The following ZNF7 variants were observed in gnomAD, a reference collection of about 807,000 sequenced individuals.
The protein encoded by ZNF7 is C2-H2 type zinc finger protein.
Under a neutral mutation model 12.0 loss-of-function variants are expected in ZNF7, and 10 were observed. The observed-to-expected ratio is 0.83, with a 90% CI of 0.51 to 1.42. ZNF7 has a LOEUF of 1.42. ZNF7 is among the 40% of genes most tolerant of loss of function. The probability of loss-of-function intolerance (pLI) is 0.00; values close to 1 mark genes in which losing one functional copy is unlikely to be tolerated. For missense variants in ZNF7, 854 were observed against 837.2 expected (o/e 1.02, Z -0.25); for synonymous variants, 334 against 295.0 (o/e 1.13, Z -1.35).
intron 1 of ZNF7, 139 bp downstream of exon 1, chr8:144,827,748 G>A (rs1353053475): frequency 8.6e-6 from 8 of 929,450 alleles, no homozygotes; most frequent in Non-Finnish European, 1.0e-5. Flanking sequence ...GGGGCTTTGC[G>A]GGGCCTTGAG....
chr8:144,843,135 G>T lies in ZNF7; in HGVS notation c.2028G>T (p.Arg676Ser), dbSNP rs780904049. 6 of 1,598,064 alleles carry T rather than the reference G, an allele frequency of 3.8e-6. No individual in the cohort carries two copies. Among genetic ancestry groups the T allele is most frequent in the Non-Finnish European group, 5.1e-6 (6 of 1,173,792 alleles). Residue 676 changes from arginine to serine, a missense_variant, in exon 5 of 5, where the codon AGG becomes AGT. Arg to Ser is a moderately radical substitution (Grantham distance 110). Coordinates refer to ENST00000532777, the MANE Select transcript of ZNF7 (RefSeq NM_003416.4). ...DCGKAFNRSS[R>S]LTQHQKIHMG The stretch of plus-strand genomic sequence containing the variant: ...GCAAAGCTTTTAATCGTAGCTCAAG[G>T]CTTACCCAGCATCAAAAAATTCACA...
intron 3 of ZNF7, among the ~76,000 whole-genome samples, chr8:144,830,392 C>G (rs1828302079): frequency 6.6e-6 from 1 of 152,206 alleles, no homozygotes; most frequent in Non-Finnish European, 1.5e-5. Flanking sequence ...TTGCATTTCT[C>G]TGATTTCTGC....
At chr8:144,838,035 G>A in intron 4 of ZNF7, 1 of 697,680 alleles carries the variant, frequency 1.4e-6, no homozygotes, top group East Asian at 2.7e-5. Context: ...CTGAAACCGG[G>A]GGGTCAGCAA....
intron 3 of ZNF7, 104 bp downstream of exon 3, chr8:144,829,708 T>C (rs1828212114): frequency 4.9e-6 from 7 of 1,414,804 alleles, no homozygotes; most frequent in Middle Eastern, 2.6e-4. Context: ...GCTCAGACCC[T>C]TGTGGGCTCC....
chr8:144,845,189 G>A (rs1203823315), downstream of ZNF7, among the ~76,000 whole-genome samples: 1 of 152,186 alleles, frequency 6.6e-6, no homozygotes, highest in Non-Finnish European at 1.5e-5. Context: ...AGAAGCTCAC[G>A]AGAAATCCTG....
intron 3 of ZNF7, 118 bp from the exon 4 acceptor site, chr8:144,837,273 T>C: frequency 1.3e-6 from 1 of 766,300 alleles, no homozygotes; most frequent in South Asian, 2.1e-5. Context: ...CTGCAGGAGC[T>C]TGGCCTGTGC....
chr8:144,837,962 C>T (rs1586814524), intron 4 of ZNF7: 1 of 661,226 alleles, frequency 1.5e-6, no homozygotes, highest in Non-Finnish European at 2.8e-6. Flanking sequence ...TAACAATGAA[C>T]CACAGACTAG....
intron 2 of ZNF7, 86 bp downstream of exon 2, chr8:144,829,176 T>C: frequency 1.2e-6 from 2 of 1,601,080 alleles, no homozygotes; most frequent in Non-Finnish European, 1.7e-6. Flanking sequence ...GCCCAGACCC[T>C]ACCTTGGCCC....
chr8:144,841,977 C>A lies in ZNF7; in HGVS notation c.870C>A (p.Ser290Arg), dbSNP rs761844142. Reference sequence around the variant, plus strand: ...AGTGTGGAAAAGCCTTCCGCCTGAGCTCAAAACTTATTCAGCATCAAAGAA... The same window carrying A: ...AGTGTGGAAAAGCCTTCCGCCTGAGATCAAAACTTATTCAGCATCAAAGAA... Reference protein sequence around the residue: ...CTECGKAFRLSSKLIQHQRIH... With the variant: ...CTECGKAFRLRSKLIQHQRIH... Residue 290 changes from serine to arginine, a missense_variant, in exon 5 of 5, where the codon AGC becomes AGA. Physicochemically the swap from Ser to Arg is moderately radical, Grantham distance 110. Coordinates refer to ENST00000532777, the MANE Select transcript of ZNF7 (RefSeq NM_003416.4). 21 of 1,614,126 alleles carry A rather than the reference C, an allele frequency of 1.3e-5. No homozygotes were observed. Among genetic ancestry groups the A allele is most frequent in the Admixed American group, 1.7e-5 (1 of 60,026 alleles).
chr8:144,841,184 A>G (rs1251887010), intron 4 of ZNF7, 171 bp from the exon 5 acceptor site: 1 of 685,866 alleles, frequency 1.5e-6, no homozygotes, highest in Non-Finnish European at 2.5e-6. Flanking sequence ...GTATGAAACC[A>G]CTTTTGAGAA....
rs1830236552 is a variant in ZNF7 at position 144,843,378 on chromosome 8, A to AGT, written c.*211_*212insTG. ...GCCAAGGCGGGCACATCACGAGGTC[A>AGT]GGAGGTTGAGACCATCCTGGGTAAC... On this transcript the variant is annotated 3_prime_UTR_variant, in exon 5 of 5. Transcript: ENST00000532777. 9.5e-6 allele frequency: 5 copies of AGT among 528,306 alleles called. No homozygotes were observed. Among genetic ancestry groups the AGT allele is most frequent in the African/African-American group, 7.8e-5 (4 of 51,376 alleles). 32.7% of individuals were successfully genotyped at this position (528,306 alleles called of 1,614,324 possible).
chr8:144,843,160 A>G lies in ZNF7; in HGVS notation c.2053A>G (p.Met685Val), dbSNP rs773600162. Residue 685 changes from methionine to valine, a missense_variant, in exon 5 of 5, where the codon ATG (methionine) becomes GTG (valine). Transcript: ENST00000532777. ...GCTTACCCAGCATCAAAAAATTCAC[A>G]TGGGATAGACCACTTACATATAAAT... is the stretch of plus-strand genomic sequence containing the variant. ...SRLTQHQKIH[M>V]G 2.5e-6 allele frequency: 4 copies of G among 1,587,054 alleles called. No individual in the cohort carries two copies. The highest frequency in any genetic ancestry group is 2.2e-5 in the East Asian group (1 of 44,744).
chr8:144,841,818 G>A lies in ZNF7; in HGVS notation c.711G>A (p.Gln237=), dbSNP rs528899445. ...ECQKKLSDCL[Q]GKHTNNCHGE... ...AAAAAAAGTTATCTGACTGCTTGCAGGGGAAACATACAAATAACTGCCATG... is the reference window on the plus strand; with the variant it reads ...AAAAAAAGTTATCTGACTGCTTGCAAGGGAAACATACAAATAACTGCCATG... The change falls in exon 5 of 5, where the codon CAG becomes CAA. Residue 237 remains glutamine (Q), a synonymous_variant. Transcript: ENST00000532777. 2 of 1,614,078 alleles carry A rather than the reference G, an allele frequency of 1.2e-6. No individual in the cohort carries two copies. Among genetic ancestry groups the A allele is most frequent in the Admixed American group, 3.3e-5 (2 of 60,002 alleles).
At position 144,843,054 on chromosome 8, in the gene ZNF7, AATT is replaced by A; in HGVS notation, c.1950_1952del (p.Ile651del). ...AGATATTTAGGTGGCGTTCACACCT[AATT>A]ATACACCAGAGAATTCACACCGGGG... is the stretch of plus-strand genomic sequence containing the variant. On this transcript the variant is annotated inframe_deletion, in exon 5 of 5. Transcript: ENST00000532777. The A allele has an allele frequency of 6.2e-7, 1 of 1,614,078 alleles. No homozygotes were observed. The highest frequency in any genetic ancestry group is 8.5e-7 in the Non-Finnish European group (1 of 1,180,008).
chr8:144,842,724 G>A lies in ZNF7; in HGVS notation c.1617G>A (p.Gln539=), dbSNP rs377028214. 3 of 1,614,006 alleles carry A rather than the reference G, an allele frequency of 1.9e-6. No homozygotes were observed. The highest frequency in any genetic ancestry group is 2.5e-6 in the Non-Finnish European group (3 of 1,180,002). The change falls in exon 5 of 5, where the codon CAG becomes CAA. Residue 539 remains glutamine, a synonymous_variant. Transcript: ENST00000532777. ...QCGKAFSMST[Q]LTIHQRVHTG... ...GAAAAGCCTTCAGTATGAGCACACA[G>A]CTTACAATACATCAAAGGGTTCACA... is the stretch of plus-strand genomic sequence containing the variant.
At chr8:144,829,165 G>A in intron 2 of ZNF7, 75 bp downstream of exon 2, 1 of 1,606,230 alleles carries the variant, frequency 6.2e-7, no homozygotes. Context: ...ACTGGCCCTG[G>A]GCCCAGACCC....
chr8:144,835,007 G>C (rs950212450), intron 3 of ZNF7: 4 of 152,094 alleles, frequency 2.6e-5, no homozygotes, highest in African/African-American at 9.7e-5. Flanking sequence ...CTCCCAAAGT[G>C]CTGGGATTAC....
chr8:144,829,473 T>C lies in ZNF7; in HGVS notation c.4-5T>C. 1 of 1,613,970 alleles carries C rather than the reference T, an allele frequency of 6.2e-7. No individual in the cohort carries two copies. Among genetic ancestry groups the C allele is most frequent in the Non-Finnish European group, 8.5e-7 (1 of 1,179,976 alleles). ...TTCCTGGGGTGCTGGTGTGTGTCCT[T>C]TCAGGAGGTGGTAACATTTGGCGAT... On this transcript the variant is annotated splice_region_variant and splice_polypyrimidine_tract_variant and intron_variant, in intron 2 of 4. Transcript: ENST00000532777.
chr8:144,841,585 CCCAAGACCTTCA>C lies in ZNF7; in HGVS notation c.484_495del (p.Thr162_Lys165del). The C allele has an allele frequency of 6.2e-7, 1 of 1,614,154 alleles. No individual in the cohort carries two copies. Among genetic ancestry groups the C allele is most frequent in the South Asian group, 1.1e-5 (1 of 91,078 alleles). On this transcript the variant is annotated inframe_deletion, in exon 5 of 5. Transcript: ENST00000532777. The stretch of plus-strand genomic sequence containing the variant: ...CTGTTTGAATGAGGAGACTGTGGTT[CCCAAGACCTTCA>C]CCAAGGACGCACCCCAGGGATGTAA...
Sources: allele counts gnomAD v4.1 joint callset (sites outside exome capture counted in the v4.1 genomes callset), GRCh38; gene constraint gnomAD v4.1.1; transcripts MANE v1.5; gene names NCBI Gene and HGNC (gene_info 2026-07-23, HGNC 2026-07-21).